Variants in TOP6BL observed in about 807,000 individuals in gnomAD.
TOP6BL encodes the protein type 2 DNA topoisomerase 6 subunit B-like.
At chr11:66,748,482 A>G in the TOP6BL span, 1 of 1,548,920 alleles carries the variant, frequency 6.5e-7, no homozygotes, top group Non-Finnish European at 8.7e-7. Flanking sequence ...TTAAATTCTA[A>G]GCACCAGGCA....
At chr11:66,798,869 T>G in the TOP6BL span, among the ~76,000 whole-genome samples, 1 of 151,346 alleles carries the variant, frequency 6.6e-6, no homozygotes, top group Non-Finnish European at 1.5e-5. Flanking sequence ...GTCAGGAGAT[T>G]GAGACCATCC....
chr11:66,753,466 G>A, the TOP6BL span, among the ~76,000 whole-genome samples: 165 of 150,310 alleles, frequency 1.1e-3, 1 homozygote, highest in African/African-American at 4.0e-3. Context: ...GAGTGCAGTG[G>A]CATGATCTCT....
At chr11:66,813,781 C>G in the TOP6BL span, 3 of 1,296,400 alleles carry the variant, frequency 2.3e-6, no homozygotes, top group Non-Finnish European at 3.3e-6. Flanking sequence ...GAGTGTAAAC[C>G]AGGTCAGTGT....
chr11:66,756,252 C>A, the TOP6BL span: 1 of 994,360 alleles, frequency 1.0e-6, no homozygotes, highest in Non-Finnish European at 1.2e-6. Flanking sequence ...AACTATAGGT[C>A]TGTTCAGGAC....
the TOP6BL span, among the ~76,000 whole-genome samples, chr11:66,777,063 CTATATATCTATATCTA>C: frequency 6.7e-6 from 1 of 150,012 alleles, no homozygotes; most frequent in Non-Finnish European, 1.5e-5. Context: ...ATATCTATAT[CTATATATCTATATCTA>C]TATATATCTA....
the TOP6BL span, among the ~76,000 whole-genome samples, chr11:66,784,584 T>C: frequency 1.4e-4 from 22 of 152,390 alleles, no homozygotes; most frequent in African/African-American, 5.3e-4. Context: ...TAATCTACTT[T>C]CTGTCTCTGT....
At chr11:66,812,879 C>T in the TOP6BL span, among the ~76,000 whole-genome samples, 3 of 151,852 alleles carry the variant, frequency 2.0e-5, no homozygotes, top group Non-Finnish European at 4.4e-5. Flanking sequence ...TTCTGCTAAA[C>T]ATCCTATAGT....
chr11:66,760,450 C>CAA, the TOP6BL span, among the ~76,000 whole-genome samples: 1 of 105,712 alleles, frequency 9.5e-6, no homozygotes, highest in Non-Finnish European at 2.0e-5. Flanking sequence ...GACTCTGTCT[C>CAA]AAAAAAAAAA....
chr11:66,834,493 C>T, the TOP6BL span, among the ~76,000 whole-genome samples: 1 of 152,158 alleles, frequency 6.6e-6, no homozygotes, highest in Non-Finnish European at 1.5e-5. Flanking sequence ...ATTCTTTGAC[C>T]TCTGGGCCAT....
chr11:66,805,737 A>G, the TOP6BL span, among the ~76,000 whole-genome samples: 1,646 of 152,238 alleles, frequency 0.011, 37 homozygotes, highest in African/African-American at 0.037. Context: ...TTACAGGCAT[A>G]AGCCACTGTG....
the TOP6BL span, among the ~76,000 whole-genome samples, chr11:66,756,126 A>G: frequency 1.3e-5 from 2 of 152,200 alleles, no homozygotes; most frequent in Non-Finnish European, 2.9e-5. Context: ...GGCTTTAACA[A>G]ATATGATTTT....
chr11:66,817,672 C>T, the TOP6BL span, among the ~76,000 whole-genome samples: 11 of 151,966 alleles, frequency 7.2e-5, no homozygotes, highest in African/African-American at 2.7e-4. Flanking sequence ...CTCCTGACCT[C>T]GTGATCCACC....
the TOP6BL span, chr11:66,801,182 G>A: frequency 2.1e-6 from 3 of 1,440,406 alleles, no homozygotes; most frequent in Non-Finnish European, 2.9e-6. Flanking sequence ...ATTGGAAATT[G>A]TCTCACTTGT....
chr11:66,799,575 A>G, the TOP6BL span, among the ~76,000 whole-genome samples: 943 of 103,802 alleles, frequency 9.1e-3, no homozygotes, highest in Middle Eastern at 0.1. Flanking sequence ...AGCTGGGCAC[A>G]GTGGCGCGTG....
the TOP6BL span, chr11:66,821,819 G>A: frequency 3.8e-6 from 6 of 1,589,524 alleles, no homozygotes; most frequent in South Asian, 5.6e-5. Context: ...AAGATAGCAA[G>A]CATATATGGC....
the TOP6BL span, among the ~76,000 whole-genome samples, chr11:66,759,584 T>C: frequency 6.6e-5 from 10 of 152,242 alleles, 1 homozygote; most frequent in South Asian, 2.1e-3. Context: ...GTTTTAAGAA[T>C]TTATTTATTT....
At chr11:66,777,312 T>G in the TOP6BL span, among the ~76,000 whole-genome samples, 1 of 152,008 alleles carries the variant, frequency 6.6e-6, no homozygotes, top group Non-Finnish European at 1.5e-5. Flanking sequence ...GATAGTTTAG[T>G]GTCTAGGAGA....
the TOP6BL span, among the ~76,000 whole-genome samples, chr11:66,768,608 G>T: frequency 6.6e-6 from 1 of 150,972 alleles, no homozygotes; most frequent in Non-Finnish European, 1.5e-5. Flanking sequence ...CTAACGCTTG[G>T]TAAGATTTTA....
chr11:66,779,711 A>C, the TOP6BL span, among the ~76,000 whole-genome samples: 3 of 152,192 alleles, frequency 2.0e-5, no homozygotes, highest in East Asian at 1.9e-4. Flanking sequence ...ACACACGCAC[A>C]TGTATGTTTA....
Sources: gnomAD v4.1 joint callset for allele counts (sites outside exome capture counted in the v4.1 genomes callset) on GRCh38, gnomAD v4.1.1 for gene constraint, MANE v1.5 for transcripts, NCBI Gene and HGNC (gene_info 2026-07-23, HGNC 2026-07-21) for gene names.